The following IGF2BP3 variants were observed in gnomAD, a reference collection of about 807,000 sequenced individuals.
The protein encoded by IGF2BP3 is insulin-like growth factor 2 mRNA-binding protein 3.
Under a neutral mutation model 73.8 loss-of-function variants are expected in IGF2BP3, and 9 were observed. The observed-to-expected ratio is 0.12, with a 90% CI of 0.07 to 0.21. The LOEUF (loss-of-function observed/expected upper bound fraction) is 0.21, where lower values mean the gene tolerates loss of function less well. Ranked by LOEUF, IGF2BP3 falls within the 10% of genes least tolerant of loss-of-function variation. IGF2BP3 has a pLI of 1.00. For missense variants in IGF2BP3, 542 were observed against 714.0 expected (o/e 0.76, Z 2.75); for synonymous variants, 258 against 256.7 (o/e 1.01, Z -0.05).
chr7:23,399,543 T>C (rs1045307129), intron 3 of IGF2BP3, among the ~76,000 whole-genome samples: 3 of 152,152 alleles, frequency 2.0e-5, no homozygotes, highest in Non-Finnish European at 4.4e-5. Flanking sequence ...CAACCTTGAC[T>C]TTAACCCACA....
chr7:23,346,843 G>A (rs976619023), intron 7 of IGF2BP3, among the ~76,000 whole-genome samples: 11 of 151,872 alleles, frequency 7.2e-5, no homozygotes, highest in Middle Eastern at 3.2e-3. Context: ...CACCCGCCTC[G>A]GCCTCCCAAA....
At chr7:23,401,791 G>C (rs957680295) in intron 3 of IGF2BP3, among the ~76,000 whole-genome samples, 5 of 148,666 alleles carry the variant, frequency 3.4e-5, no homozygotes, top group African/African-American at 5.0e-5. Context: ...CTGCCCTAGG[G>C]ATTGGCATGA....
rs1783893465 is a variant in IGF2BP3, at chr7:23,313,643, C to G, written c.1406G>C (p.Arg469Thr). The G allele has an allele frequency of 1.2e-6, 2 of 1,613,570 alleles. No homozygotes were observed. Among genetic ancestry groups the G allele is most frequent in the South Asian group, 2.2e-5 (2 of 91,034 alleles). ...TTCTTCTTTAATTTTTCCATAAATT[C>G]TTCCCTGAGCCTGCAGATGAAAACA... ...PPEAQFKAQG[R>T]IYGKIKEENF... Residue 469 changes from arginine (R) to threonine (T), a missense_variant, in exon 13 of 15, where the codon AGA becomes ACA. This residue lies in a region of IGF2BP3 where 303 missense variants were observed against 472.1 expected (regional missense o/e 0.64). Coordinates refer to ENST00000258729, the MANE Select transcript of IGF2BP3 (RefSeq NM_006547.3).
chr7:23,465,664 A>G (rs1429409147), intron 2 of IGF2BP3, among the ~76,000 whole-genome samples: 1 of 152,222 alleles, frequency 6.6e-6, no homozygotes, highest in African/African-American at 2.4e-5. Flanking sequence ...GGTTCCTGAC[A>G]TGCCTTGTAT....
chr7:23,451,662 G>A (rs536808287), intron 2 of IGF2BP3, among the ~76,000 whole-genome samples: 7 of 151,838 alleles, frequency 4.6e-5, no homozygotes, highest in South Asian at 2.1e-4. Flanking sequence ...AGAATATATC[G>A]TTAGGGCTGG....
At chr7:23,412,282 C>T (rs1787048805) in intron 3 of IGF2BP3, among the ~76,000 whole-genome samples, 1 of 152,120 alleles carries the variant, frequency 6.6e-6, no homozygotes, top group Non-Finnish European at 1.5e-5. Context: ...CATACCAGGC[C>T]TACTTGTTTC....
At chr7:23,378,253 T>C (rs1349688177) in intron 3 of IGF2BP3, among the ~76,000 whole-genome samples, 1 of 152,144 alleles carries the variant, frequency 6.6e-6, no homozygotes, top group African/African-American at 2.4e-5. Flanking sequence ...AAAGACTTTT[T>C]CTTTTCACTT....
chr7:23,332,775 C>A (rs1213913820), intron 10 of IGF2BP3, among the ~76,000 whole-genome samples: 1 of 152,034 alleles, frequency 6.6e-6, no homozygotes, highest in African/African-American at 2.4e-5. Flanking sequence ...TGAATTAATG[C>A]CAACACTGAC....
intron 2 of IGF2BP3, among the ~76,000 whole-genome samples, chr7:23,451,290 T>C (rs1278321922): frequency 6.6e-6 from 1 of 152,058 alleles, no homozygotes; most frequent in East Asian, 1.9e-4. Context: ...TGGTGGTGCA[T>C]GCCTGTAGTC....
intron 3 of IGF2BP3, among the ~76,000 whole-genome samples, chr7:23,364,536 A>T (rs1052176446): frequency 1.9e-5 from 2 of 103,790 alleles, no homozygotes; most frequent in Non-Finnish European, 3.5e-5. Context: ...AAACAGAGCG[A>T]GACTTTGTGT....
Position 23,381,726 on chromosome 7 carries a change from G to A in IGF2BP3, c.286-19985C>T, listed in dbSNP as rs1444560461. ...TGGAATTACAGGCACGTACCACCAC[G>A]CCCAGCTAATTTTTGTATTTTTAGT... On this transcript the variant is annotated intron_variant, in intron 3 of 14. Coordinates refer to ENST00000258729, the MANE Select transcript of IGF2BP3 (RefSeq NM_006547.3). 4.6e-5 allele frequency among the ~76,000 whole-genome samples: 7 copies of A among 151,860 alleles called. 1 individual carries two copies. Among genetic ancestry groups the A allele is most frequent in the Admixed American group, 2.0e-4 (3 of 15,234 alleles).
chr7:23,403,542 A>C (rs112113535), intron 3 of IGF2BP3, among the ~76,000 whole-genome samples: 1,554 of 152,314 alleles, frequency 0.01, 11 homozygotes, highest in Non-Finnish European at 0.016. Flanking sequence ...ACACTGATGA[A>C]ATTGGTGCTA....
chr7:23,335,944 T>G (rs1362059509), intron 10 of IGF2BP3, among the ~76,000 whole-genome samples: 3 of 152,196 alleles, frequency 2.0e-5, no homozygotes. Context: ...AGGCAGGAAC[T>G]AGAGACTTTT....
At chr7:23,413,099 A>T (rs1390028058) in intron 3 of IGF2BP3, 1 of 150,708 alleles carries the variant, frequency 6.6e-6, no homozygotes, top group East Asian at 2.0e-4. Context: ...ACCTCAAGTG[A>T]CCCACCTGCC....
chr7:23,341,353 A>T (rs571599154), intron 10 of IGF2BP3, among the ~76,000 whole-genome samples: 3 of 152,192 alleles, frequency 2.0e-5, no homozygotes, highest in Admixed American at 2.0e-4. Flanking sequence ...GAAGCCTTTA[A>T]AAAATCTTTT....
intron 12 of IGF2BP3, among the ~76,000 whole-genome samples, chr7:23,315,003 A>G (rs1783944520): frequency 6.6e-6 from 1 of 151,956 alleles, no homozygotes; most frequent in Non-Finnish European, 1.5e-5. Flanking sequence ...GGGATTCACC[A>G]TGTTGGCCAG....
chr7:23,463,962 C>T (rs773039490), intron 2 of IGF2BP3, among the ~76,000 whole-genome samples: 1 of 152,194 alleles, frequency 6.6e-6, no homozygotes, highest in Non-Finnish European at 1.5e-5. Context: ...TCCTAACATT[C>T]AGAACCTCAA....
Position 23,311,576 on chromosome 7 carries a change from T to A in IGF2BP3, c.*786A>T, listed in dbSNP as rs1313573372. 6.6e-6 allele frequency: 1 copy of A among 152,338 alleles called. No individual in the cohort carries two copies. The highest frequency in any genetic ancestry group is 2.4e-5 in the African/African-American group (1 of 41,456). The allele number at this position is 152,338 out of a possible 1,614,324, so 9.4% of individuals were successfully genotyped here. ...GCTCCGTATTTTTGAACATTTGATTTAACTAATAACTGTGTCAAAAGCCTC... is the reference window on the plus strand; with the variant it reads ...GCTCCGTATTTTTGAACATTTGATTAAACTAATAACTGTGTCAAAAGCCTC... On this transcript the variant is annotated 3_prime_UTR_variant, in exon 15 of 15. Coordinates refer to ENST00000258729, the MANE Select transcript of IGF2BP3 (RefSeq NM_006547.3).
intron 10 of IGF2BP3, among the ~76,000 whole-genome samples, chr7:23,337,336 TGAAAATA>T (rs1784599890): frequency 6.6e-6 from 1 of 152,216 alleles, no homozygotes; most frequent in East Asian, 1.9e-4. Flanking sequence ...TTTATTTAGA[TGAAAATA>T]ACCACAGGAA....
Sources: gnomAD v4.1 joint callset for allele counts (sites outside exome capture counted in the v4.1 genomes callset) on GRCh38, gnomAD v4.1.1 for gene constraint, gnomAD v4.1.1 regional missense constraint, MANE v1.5 for transcripts, NCBI Gene and HGNC (gene_info 2026-07-23, HGNC 2026-07-21) for gene names.